Variants in USP34 observed in about 807,000 individuals in gnomAD.
USP34 encodes ubiquitin specific peptidase 34, also known as ubiquitin carboxyl-terminal hydrolase 34.
Under a neutral mutation model 460.3 loss-of-function variants are expected in USP34, and 70 were observed. That is an observed-to-expected ratio of 0.15 (90% CI 0.13 to 0.19). USP34 has a LOEUF of 0.19. Ranked by LOEUF, USP34 falls within the 10% of genes least tolerant of loss-of-function variation. USP34 has a pLI of 1.00. For synonymous variants in USP34, 1,647 were observed against 1,405.3 expected (o/e 1.17, Z -3.85); for missense variants, 3,985 against 4,236.2 (o/e 0.94, Z 1.65).
chr2:61,211,884 T>C lies in USP34; in HGVS notation c.8728A>G (p.Arg2910Gly). 6.2e-7 allele frequency: 1 copy of C among 1,609,786 alleles called. No individual in the cohort carries two copies. Among genetic ancestry groups the C allele is most frequent in the Non-Finnish European group, 8.5e-7 (1 of 1,178,788 alleles). ...FNLMQLFIAQ[R>G]PDMREEELED... is the part of the protein sequence containing the mutation. ...AATTCTTCTTCTCTCATATCTGGCC[T>C]CTGAGCTATAAACAGCTGCATCAGG... Residue 2910 changes from arginine to glycine, a missense_variant, in exon 69 of 80, where the codon AGG becomes GGG. Physicochemically the swap from Arg to Gly is moderately radical, Grantham distance 125. This residue lies in a region of USP34 where 275 missense variants were observed against 292.7 expected (regional missense o/e 0.94). Coordinates refer to ENST00000398571, the MANE Select transcript of USP34 (RefSeq NM_014709.4).
intron 1 of USP34, among the ~76,000 whole-genome samples, chr2:61,421,990 CG>C (rs1410542530): frequency 1.3e-5 from 2 of 152,112 alleles, no homozygotes; most frequent in East Asian, 1.9e-4. Flanking sequence ...AAGGAAACGG[CG>C]TAAGGCCAAA....
Position 61,399,304 on chromosome 2 carries a change from C to T in USP34, c.553-4071G>A, listed in dbSNP as rs76958855. On this transcript the variant is annotated intron_variant, in intron 3 of 79. Transcript: ENST00000398571. ...GTTGCAGTGAGCTGTTATCATGCCA[C>T]CGCACTCCAGCCTGGGCAACAGGAT... Among the ~76,000 whole-genome samples the T allele has an allele frequency of 3.3e-3, 497 of 151,216 alleles. 18 individuals carry two copies. In the East Asian group the frequency reaches 0.084, roughly 26 times the overall value.
Position 61,322,721 on chromosome 2 carries a change from C to T in USP34, c.3013+2654G>A, listed in dbSNP as rs892437826. On this transcript the variant is annotated intron_variant, in intron 21 of 79. Coordinates refer to ENST00000398571, the MANE Select transcript of USP34 (RefSeq NM_014709.4). ...AAGAGTTTTATCAGAAAAAAGTTAT[C>T]CTATCAGTTTCTCACTGAAACAGTT... Among the ~76,000 whole-genome samples the T allele has an allele frequency of 5.3e-5, 8 of 152,170 alleles. No individual in the cohort carries two copies. The East Asian group carries it at 9.6e-4, about 18-fold the overall frequency.
rs768600153 is a variant in USP34 at position 61,188,511 on chromosome 2, G to A, written c.10232C>T (p.Ser3411Phe). Residue 3411 changes from serine (S) to phenylalanine (F), a missense_variant, in exon 80 of 80, where the codon TCT becomes TTT. Ser to Phe is a radical substitution (Grantham distance 155). Around this residue, in one of 14 missense-constraint regions of USP34, gnomAD observed 506 missense variants for 439.0 expected, o/e 1.15. Coordinates refer to ENST00000398571, the MANE Select transcript of USP34 (RefSeq NM_014709.4). ...AACTTCCATTCGGTATTCTTTAACAGAACTATTTTCAGGGGAAGGAAGATC... is the reference window on the plus strand; with the variant it reads ...AACTTCCATTCGGTATTCTTTAACAAAACTATTTTCAGGGGAAGGAAGATC... ...EQDLPSPENSSVKEYRMEVPS... is the reference protein window; with the variant it reads ...EQDLPSPENSFVKEYRMEVPS... 4.3e-6 allele frequency: 7 copies of A among 1,614,052 alleles called. No individual in the cohort carries two copies. In the East Asian group the frequency reaches 1.1e-4, roughly 26 times the overall value.
At chr2:61,189,145 A>T in intron 78 of USP34, 76 bp from the exon 79 acceptor site, 1 of 1,444,238 alleles carries the variant, frequency 6.9e-7, no homozygotes, top group South Asian at 1.4e-5. Context: ...TTAATTGCAG[A>T]TGTTTATTTT....
Position 61,294,649 on chromosome 2 carries a change from G to A in USP34, c.4461+300C>T, listed in dbSNP as rs528862723. The stretch of plus-strand genomic sequence containing the variant: ...TTGGCCAGGCTGATCTCAAACTCCT[G>A]ACCTCAAGTGATCCATCCGTCTCAG... On this transcript the variant is annotated intron_variant, in intron 32 of 79. Coordinates refer to ENST00000398571, the MANE Select transcript of USP34 (RefSeq NM_014709.4). Among the ~76,000 whole-genome samples, 30 of 152,130 alleles carry A rather than the reference G, an allele frequency of 2.0e-4. No individual in the cohort carries two copies. The South Asian group carries it at 2.1e-3, about 11-fold the overall frequency.
chr2:61,217,731 G>GCC (rs1687443431), intron 67 of USP34, among the ~76,000 whole-genome samples: 1 of 152,166 alleles, frequency 6.6e-6, no homozygotes, highest in South Asian at 2.1e-4. Context: ...GAGGTGGGTG[G>GCC]ATCACGAGGT....
At chr2:61,383,432 C>T (rs1423932428) in intron 5 of USP34, 96 bp from the exon 6 acceptor site, 17 of 853,850 alleles carry the variant, frequency 2.0e-5, no homozygotes, top group East Asian at 8.4e-5. Flanking sequence ...TGGCCAGGCA[C>T]GGTCGCTCAC....
chr2:61,360,205 G>A (rs1440190028), intron 10 of USP34, among the ~76,000 whole-genome samples: 2 of 152,070 alleles, frequency 1.3e-5, no homozygotes, highest in Admixed American at 6.6e-5. Context: ...AATTCCAAGA[G>A]AGAAGACTTA....
chr2:61,273,154 G>A (rs1316738858), intron 41 of USP34, among the ~76,000 whole-genome samples: 1 of 151,904 alleles, frequency 6.6e-6, no homozygotes, highest in Non-Finnish European at 1.5e-5. Flanking sequence ...AACTTACTAA[G>A]AAATACTTAA....
intron 1 of USP34, among the ~76,000 whole-genome samples, chr2:61,429,161 G>A (rs543813806): frequency 6.6e-6 from 1 of 152,116 alleles, no homozygotes; most frequent in South Asian, 2.1e-4. Flanking sequence ...AAATTAGCTA[G>A]GTTTGGCCAG....
At chr2:61,459,659 CCCA>C (rs1695543218) in intron 1 of USP34, among the ~76,000 whole-genome samples, 1 of 151,948 alleles carries the variant, frequency 6.6e-6, no homozygotes, top group Non-Finnish European at 1.5e-5. Context: ...CACCTGTAAT[CCCA>C]GCTACTCAGG....
chr2:61,430,413 AT>A (rs1355147274), intron 1 of USP34, among the ~76,000 whole-genome samples: 5 of 152,114 alleles, frequency 3.3e-5, no homozygotes, highest in Admixed American at 1.3e-4. Flanking sequence ...AAAAATAATA[AT>A]AATAAAATAC....
intron 8 of USP34, 119 bp downstream of exon 8, chr2:61,378,244 C>T (rs10196146): frequency 1.1e-5 from 8 of 699,336 alleles, no homozygotes; most frequent in African/African-American, 7.5e-5. Flanking sequence ...GAACTGTACA[C>T]AATGTCAAAG....
chr2:61,420,811 A>C lies in USP34; in HGVS notation c.66T>G (p.Asp22Glu). Residue 22 changes from aspartate (D) to glutamate (E), a missense_variant, in exon 2 of 80, where the codon GAT becomes GAG. Coordinates refer to ENST00000398571, the MANE Select transcript of USP34 (RefSeq NM_014709.4). ...TATGTTCCTTTCTGAGCTGCAGTCCATCACCACCTTCTACATCTGATACTG... is the reference window on the plus strand; with the variant it reads ...TATGTTCCTTTCTGAGCTGCAGTCCCTCACCACCTTCTACATCTGATACTG... The part of the protein sequence containing the change: ...LNEISDVEGG[D>E]GLQLRKEHTL... 1.9e-6 allele frequency: 3 copies of C among 1,610,902 alleles called. No individual in the cohort carries two copies. The highest frequency in any genetic ancestry group is 2.5e-6 in the Non-Finnish European group (3 of 1,178,430).
At chr2:61,395,586 CAGG>C in intron 3 of USP34, among the ~76,000 whole-genome samples, 1 of 145,398 alleles carries the variant, frequency 6.9e-6, no homozygotes, top group South Asian at 2.1e-4. Context: ...ATCACGAGGT[CAGG>C]AGATCGAGAC....
chr2:61,363,077 T>A (rs1011825244), intron 10 of USP34, among the ~76,000 whole-genome samples: 4 of 152,118 alleles, frequency 2.6e-5, no homozygotes, highest in Non-Finnish European at 5.9e-5. Flanking sequence ...GAAGCAAATA[T>A]GCAAATAGCC....
chr2:61,264,595 C>T (rs1688990997), intron 43 of USP34, among the ~76,000 whole-genome samples: 1 of 152,086 alleles, frequency 6.6e-6, no homozygotes, highest in African/African-American at 2.4e-5. Context: ...GAGCTGTGCT[C>T]ACACCACTGC....
intron 1 of USP34, among the ~76,000 whole-genome samples, chr2:61,461,676 G>A (rs939939590): frequency 1.3e-5 from 2 of 152,218 alleles, no homozygotes; most frequent in East Asian, 1.9e-4. Flanking sequence ...ACTTTCTAAA[G>A]GATAATATTC....
Sources: allele counts gnomAD v4.1 joint callset (sites outside exome capture counted in the v4.1 genomes callset), GRCh38; gene constraint gnomAD v4.1.1; regional missense constraint gnomAD v4.1.1; transcripts MANE v1.5; gene names NCBI Gene and HGNC (gene_info 2026-07-23, HGNC 2026-07-21).